Variants in RALA observed in about 807,000 individuals in gnomAD.
RALA encodes RAS like proto-oncogene A.
RALA carries 5 observed loss-of-function variants against 24.0 expected under a neutral mutation model. The observed-to-expected ratio is 0.21, with a 90% confidence interval of 0.11 to 0.44. The LOEUF (loss-of-function observed/expected upper bound fraction) is 0.44. RALA is among the 20% of genes least tolerant of loss of function. The pLI is 0.99. For synonymous variants in RALA, 77 were observed against 83.8 expected, an observed-to-expected ratio of 0.92 and a Z score of 0.44; for missense variants, 95 against 241.2, an observed-to-expected ratio of 0.39 and a Z score of 4.01.
At chr7:39,689,792 A>T (rs1792783126) in intron 2 of RALA, among the ~76,000 whole-genome samples, 1 of 152,212 alleles carries the variant, frequency 6.6e-6, no homozygotes. Context: ...CCTACGGTTT[A>T]TCAAGGTATA....
chr7:39,666,290 A>G (rs1399076837), intron 1 of RALA, among the ~76,000 whole-genome samples: 1 of 152,188 alleles, frequency 6.6e-6, no homozygotes, highest in Non-Finnish European at 1.5e-5. Context: ...TATAATGAAT[A>G]TATGTTACTT....
rs1554298818 is a variant in RALA, at chr7:39,706,104, C to T, written c.499-19C>T. ...CATGTATCTGTTTGCTTTATTTATC[C>T]TATTTTTTTTCTTTCTAGGTATTTT... is the stretch of plus-strand genomic sequence containing the variant. On this transcript the variant is annotated intron_variant, in intron 4 of 4. Transcript: ENST00000005257. 1 of 1,585,584 alleles carries T rather than the reference C, an allele frequency of 6.3e-7. No individual in the cohort carries two copies. The highest frequency in any genetic ancestry group is 8.6e-7 in the Non-Finnish European group (1 of 1,163,240).
intron 1 of RALA, among the ~76,000 whole-genome samples, chr7:39,679,855 C>T (rs1159577710): frequency 5.9e-5 from 9 of 151,942 alleles, no homozygotes; most frequent in African/African-American, 9.7e-5. Flanking sequence ...GGACTACAGC[C>T]GTGCGCCACC....
intron 4 of RALA, 106 bp downstream of exon 4, chr7:39,696,965 A>C: frequency 9.0e-7 from 1 of 1,109,378 alleles, no homozygotes; most frequent in Non-Finnish European, 1.3e-6. Flanking sequence ...ATAGAGGTTT[A>C]ATCCTTGTTG....
chr7:39,633,980 T>G (rs1791643359), intron 1 of RALA, among the ~76,000 whole-genome samples: 1 of 152,170 alleles, frequency 6.6e-6, no homozygotes, highest in African/African-American at 2.4e-5. Context: ...AATTTCAAGA[T>G]TACCAGGTCC....
intron 2 of RALA, among the ~76,000 whole-genome samples, chr7:39,688,672 C>G (rs974437174): frequency 1.3e-5 from 2 of 151,448 alleles, no homozygotes; most frequent in Non-Finnish European, 2.9e-5. Flanking sequence ...CTCCCAGGCT[C>G]AAGCGATCCT....
chr7:39,671,739 C>G (rs1792392698), intron 1 of RALA, among the ~76,000 whole-genome samples: 1 of 152,056 alleles, frequency 6.6e-6, no homozygotes, highest in Non-Finnish European at 1.5e-5. Flanking sequence ...ACTACTGTAC[C>G]CTTAAAACAG....
At chr7:39,630,184 T>C (rs1562605691) in intron 1 of RALA, among the ~76,000 whole-genome samples, 1 of 150,030 alleles carries the variant, frequency 6.7e-6, no homozygotes, top group African/African-American at 2.4e-5. Context: ...GCTGGAATTA[T>C]AGGTGCATGC....
At chr7:39,679,546 T>C (rs934826159) in intron 1 of RALA, among the ~76,000 whole-genome samples, 1 of 152,194 alleles carries the variant, frequency 6.6e-6, no homozygotes, top group Non-Finnish European at 1.5e-5. Context: ...TTTTGCCCAA[T>C]TTCCTGCAGT....
chr7:39,643,890 G>A (rs1014781288), intron 1 of RALA, among the ~76,000 whole-genome samples: 2 of 152,050 alleles, frequency 1.3e-5, no homozygotes, highest in African/African-American at 4.8e-5. Context: ...GAAAAGAAAA[G>A]AAAGAATATG....
At chr7:39,675,576 A>C (rs922084534) in intron 1 of RALA, among the ~76,000 whole-genome samples, 2 of 152,052 alleles carry the variant, frequency 1.3e-5, no homozygotes, top group Non-Finnish European at 2.9e-5. Context: ...AAATACTTTA[A>C]AAATTAGCTG....
rs1250385173 is a variant in RALA, at chr7:39,695,418, G to GT, written c.324-1256dup. On this transcript the variant is annotated intron_variant, in intron 3 of 4. Transcript: ENST00000005257. ...TATTGTGGCATTTTTTTGGTTTTTG[G>GT]TTTTTTTTTTTGAGACAGGATCTTA... 4.8e-3 allele frequency among the ~76,000 whole-genome samples: 692 copies of GT among 144,460 alleles called. 4 individuals are homozygous for GT. The highest frequency in any genetic ancestry group is 0.011 in the African/African-American group (422 of 39,654). The allele number at this position is 144,460 out of a possible 152,430, so 94.8% of individuals were successfully genotyped here.
intron 4 of RALA, among the ~76,000 whole-genome samples, chr7:39,704,442 C>T (rs986833711): frequency 1.3e-5 from 2 of 151,442 alleles, no homozygotes; most frequent in East Asian, 2.0e-4. Flanking sequence ...CTCAGCCTCT[C>T]GAGTAGCTGG....
chr7:39,628,560 G>C (rs1239348313), intron 1 of RALA, among the ~76,000 whole-genome samples: 1 of 149,508 alleles, frequency 6.7e-6, no homozygotes, highest in African/African-American at 2.4e-5. Context: ...TAATTTTTTT[G>C]TTTTTTGTTT....
chr7:39,685,384 G>A (rs1295906642), intron 1 of RALA, among the ~76,000 whole-genome samples: 1 of 152,198 alleles, frequency 6.6e-6, no homozygotes. Context: ...TAAACAGGAG[G>A]GGGCGTGGTT....
At chr7:39,645,463 A>C (rs1791909228) in intron 1 of RALA, among the ~76,000 whole-genome samples, 1 of 152,202 alleles carries the variant, frequency 6.6e-6, no homozygotes, top group Admixed American at 6.5e-5. Flanking sequence ...GAAATGAGAG[A>C]GGGAATGATG....
At chr7:39,671,501 G>A (rs1450563445) in intron 1 of RALA, among the ~76,000 whole-genome samples, 1 of 152,052 alleles carries the variant, frequency 6.6e-6, no homozygotes, top group Non-Finnish European at 1.5e-5. Flanking sequence ...CTGAATATTT[G>A]TTACGCTTTA....
intron 1 of RALA, among the ~76,000 whole-genome samples, chr7:39,661,845 C>A (rs773436584): frequency 6.6e-6 from 1 of 152,198 alleles, no homozygotes; most frequent in Non-Finnish European, 1.5e-5. Context: ...GGGCTTCAAC[C>A]CCACATTTCC....
At chr7:39,684,467 A>G (rs1792660647) in intron 1 of RALA, among the ~76,000 whole-genome samples, 1 of 152,060 alleles carries the variant, frequency 6.6e-6, no homozygotes, top group African/African-American at 2.4e-5. Context: ...GCATATGGGA[A>G]TGATTTATGG....
Sources: allele counts gnomAD v4.1 joint callset (sites outside exome capture counted in the v4.1 genomes callset), GRCh38; gene constraint gnomAD v4.1.1; transcripts MANE v1.5; gene names NCBI Gene and HGNC (gene_info 2026-07-23, HGNC 2026-07-21).